Variants in ZNF618 observed in about 807,000 individuals in gnomAD.
ZNF618 encodes the protein neural precursor cell expressed, developmentally down-regulated 10.
ZNF618 carries 34 observed loss-of-function variants against 103.0 expected under a neutral mutation model. That is an observed-to-expected ratio of 0.33 (90% CI 0.25 to 0.44). The LOEUF (loss-of-function observed/expected upper bound fraction) is 0.44. Ranked by LOEUF, ZNF618 falls within the 20% of genes least tolerant of loss-of-function variation. ZNF618 has a pLI of 1.00. For missense variants in ZNF618, 1,059 were observed against 1,295.4 expected (o/e 0.82, Z 2.80); for synonymous variants, 551 against 542.2 (o/e 1.02, Z -0.23).
intron 12 of ZNF618, chr9:114,035,064 C>G: frequency 1.7e-6 from 1 of 596,820 alleles, no homozygotes; most frequent in Non-Finnish European, 2.1e-6. Flanking sequence ...TGTGAGCCTT[C>G]CTCTCGGATG....
intron 1 of ZNF618, among the ~76,000 whole-genome samples, chr9:113,887,208 T>G (rs1829158561): frequency 6.6e-6 from 1 of 151,986 alleles, no homozygotes; most frequent in Non-Finnish European, 1.5e-5. Flanking sequence ...GGGATGGTGA[T>G]GTAGTGGTGT....
intron 1 of ZNF618, among the ~76,000 whole-genome samples, chr9:113,925,102 G>A (rs1050567110): frequency 6.6e-5 from 10 of 151,982 alleles, no homozygotes; most frequent in African/African-American, 2.4e-4. Context: ...GGATCTGTCA[G>A]TTGTTGCTAG....
chr9:113,878,464 A>G (rs1307300847), intron 1 of ZNF618, among the ~76,000 whole-genome samples: 1 of 152,258 alleles, frequency 6.6e-6, no homozygotes, highest in Non-Finnish European at 1.5e-5. Context: ...TGGCCTTAAA[A>G]TGAATCACAT....
At chr9:113,990,165 T>C (rs1839902052) in intron 3 of ZNF618, among the ~76,000 whole-genome samples, 1 of 152,168 alleles carries the variant, frequency 6.6e-6, no homozygotes, top group Non-Finnish European at 1.5e-5. Flanking sequence ...CGAGGCCAAC[T>C]CCAGTGCCAC....
chr9:114,020,338 T>C (rs926018429), intron 10 of ZNF618, among the ~76,000 whole-genome samples: 1 of 136,154 alleles, frequency 7.3e-6, no homozygotes, highest in African/African-American at 2.4e-5. Flanking sequence ...TCTTCTCTAA[T>C]TTCTACCAAA....
At chr9:113,903,725 C>G (rs62559169) in intron 1 of ZNF618, among the ~76,000 whole-genome samples, 51,321 of 151,756 alleles carry the variant, frequency 0.34, 9,016 homozygotes, top group Admixed American at 0.48. Context: ...TTGTTTGTTT[C>G]TTTCTTTCTT....
rs16910937 is a variant in ZNF618 at position 113,950,618 on chromosome 9, A to G, written c.34-18499A>G. On this transcript the variant is annotated intron_variant, in intron 1 of 14. Transcript: ENST00000374126. Reference sequence around the variant, plus strand: ...CAGCATTTTCCGAGTCTGTTTTTTGAGCAAGGCCTGCACTCTGTGAATAAG... The same window carrying G: ...CAGCATTTTCCGAGTCTGTTTTTTGGGCAAGGCCTGCACTCTGTGAATAAG... 7.0e-3 allele frequency among the ~76,000 whole-genome samples: 1,069 copies of G among 152,176 alleles called. 15 individuals carry two copies. Among genetic ancestry groups the G allele is most frequent in the African/African-American group, 0.024 (995 of 41,520 alleles).
chr9:113,999,210 TG>T (rs1240477698), intron 4 of ZNF618, among the ~76,000 whole-genome samples: 1 of 151,340 alleles, frequency 6.6e-6, no homozygotes, highest in Non-Finnish European at 1.5e-5. Flanking sequence ...GTGGGGGCCC[TG>T]GGCTTTAGGC....
chr9:114,040,382 A>C (rs1845044454), intron 13 of ZNF618, among the ~76,000 whole-genome samples: 2 of 151,104 alleles, frequency 1.3e-5, no homozygotes, highest in African/African-American at 4.9e-5. Context: ...GTACACGTGC[A>C]CAACATGCAG....
chr9:113,959,741 G>A lies in ZNF618; in HGVS notation c.34-9376G>A, dbSNP rs551209983. 2.6e-5 allele frequency among the ~76,000 whole-genome samples: 4 copies of A among 152,292 alleles called. No homozygotes were observed. The South Asian group carries it at 8.3e-4, about 32-fold the overall frequency. On this transcript the variant is annotated intron_variant, in intron 1 of 14. Coordinates refer to ENST00000374126, the MANE Select transcript of ZNF618 (RefSeq NM_001318042.2). ...TCCTGCCTCAGCTTCCTGAGTAGCT[G>A]GGATTACAGGAGTCCACCACCATGC...
chr9:113,932,490 G>A (rs1588079916), intron 1 of ZNF618, among the ~76,000 whole-genome samples: 1 of 152,274 alleles, frequency 6.6e-6, no homozygotes. Flanking sequence ...GGAAAGAATG[G>A]AAATTAGAAG....
At chr9:113,924,381 T>C (rs1432219545) in intron 1 of ZNF618, among the ~76,000 whole-genome samples, 1 of 150,692 alleles carries the variant, frequency 6.6e-6, no homozygotes, top group Non-Finnish European at 1.5e-5. Context: ...GTTCGATTTC[T>C]GATGTTAGTA....
chr9:113,955,627 A>G (rs1836209607), intron 1 of ZNF618, among the ~76,000 whole-genome samples: 1 of 151,920 alleles, frequency 6.6e-6, no homozygotes. Flanking sequence ...AGGAATTTGT[A>G]AGATTTCTAC....
chr9:113,952,559 G>A (rs1201768319), intron 1 of ZNF618, among the ~76,000 whole-genome samples: 1 of 152,222 alleles, frequency 6.6e-6, no homozygotes, highest in African/African-American at 2.4e-5. Flanking sequence ...GTTAGGGATG[G>A]CATGATGGTT....
intron 1 of ZNF618, among the ~76,000 whole-genome samples, chr9:113,965,363 G>T (rs1289004231): frequency 6.6e-6 from 1 of 152,030 alleles, no homozygotes; most frequent in Non-Finnish European, 1.5e-5. Context: ...GAATGGAAAA[G>T]AACAACTTCA....
chr9:113,905,534 A>G (rs1047362408), intron 1 of ZNF618, among the ~76,000 whole-genome samples: 1 of 152,164 alleles, frequency 6.6e-6, no homozygotes, highest in Non-Finnish European at 1.5e-5. Context: ...AAAACCTAAA[A>G]TATTTATTTT....
rs549652533 is a variant in ZNF618, at chr9:114,007,276, T to C, written c.551-74T>C. The C allele has an allele frequency of 2.3e-6, 3 of 1,302,840 alleles. No individual in the cohort carries two copies. In the African/African-American group the frequency reaches 4.4e-5, roughly 19 times the overall value. 80.7% of individuals were successfully genotyped at this position (1,302,840 alleles called of 1,614,324 possible). On this transcript the variant is annotated intron_variant, in intron 6 of 14. Coordinates refer to ENST00000374126, the MANE Select transcript of ZNF618 (RefSeq NM_001318042.2). ...CTAGTTTCATCTTTGGTTTCTGAGA[T>C]GATCTGGCCAGAAAAACCCCACCCC...
chr9:114,026,507 G>T (rs1339658263), intron 10 of ZNF618, among the ~76,000 whole-genome samples: 1 of 152,222 alleles, frequency 6.6e-6, no homozygotes, highest in Non-Finnish European at 1.5e-5. Flanking sequence ...AAGCCTCAGA[G>T]GGAAAGCAGC....
intron 1 of ZNF618, among the ~76,000 whole-genome samples, chr9:113,945,429 T>G (rs1834927026): frequency 6.6e-6 from 1 of 152,210 alleles, no homozygotes; most frequent in Non-Finnish European, 1.5e-5. Context: ...TGGCTTGACA[T>G]TTCTCTACTG....
Sources: allele counts gnomAD v4.1 joint callset (sites outside exome capture counted in the v4.1 genomes callset), GRCh38; gene constraint gnomAD v4.1.1; transcripts MANE v1.5; gene names NCBI Gene and HGNC (gene_info 2026-07-23, HGNC 2026-07-21).